The following RANBP2 variants were observed in gnomAD, a reference collection of about 807,000 sequenced individuals.
The protein encoded by RANBP2 is RAN binding protein 2.
RANBP2 carries 57 observed loss-of-function variants against 303.6 expected under a neutral mutation model. The observed-to-expected ratio is 0.19, with a 90% CI of 0.15 to 0.23. RANBP2 has a LOEUF of 0.23. RANBP2 is among the 10% of genes least tolerant of loss of function. RANBP2 has a pLI of 1.00. For synonymous variants in RANBP2, 1,167 were observed against 1,301.5 expected (o/e 0.90, Z 2.23); for missense variants, 3,138 against 3,780.8 (o/e 0.83, Z 4.46).
At chr2:108,958,772 A>C in the RANBP2 span, among the ~76,000 whole-genome samples, 1 of 152,218 alleles carries the variant, frequency 6.6e-6, no homozygotes, top group Non-Finnish European at 1.5e-5. Context: ...ATTTTGTTGA[A>C]TGTTGTGACT....
At chr2:109,318,257 G>A in the RANBP2 span, among the ~76,000 whole-genome samples, 4 of 152,026 alleles carry the variant, frequency 2.6e-5, no homozygotes, top group Non-Finnish European at 4.4e-5. Flanking sequence ...AAATTTGAGC[G>A]CAGCCCCAGA....
At chr2:109,474,478 C>G in the RANBP2 span, among the ~76,000 whole-genome samples, 4 of 152,186 alleles carry the variant, frequency 2.6e-5, no homozygotes, top group African/African-American at 9.6e-5. Context: ...CAGAGCAGGC[C>G]ATGATCCCTG....
chr2:109,482,808 G>T, the RANBP2 span, among the ~76,000 whole-genome samples: 3 of 152,172 alleles, frequency 2.0e-5, no homozygotes, highest in African/African-American at 7.2e-5. Context: ...CGATGCGGCG[G>T]TCACGTCTTC....
At chr2:108,786,710 C>T (rs563220278), downstream of RANBP2, 2 of 1,004,806 alleles carry the variant, frequency 2.0e-6, no homozygotes, top group South Asian at 1.4e-5. Flanking sequence ...TCCCTGCCGC[C>T]GTGCGTGCCT....
chr2:109,504,239 C>T, the RANBP2 span: 2 of 152,226 alleles, frequency 1.3e-5, no homozygotes, highest in African/African-American at 4.8e-5. Flanking sequence ...CCATGATGTA[C>T]ACATCTTAGC....
At chr2:109,122,201 C>T in the RANBP2 span, among the ~76,000 whole-genome samples, 1 of 152,326 alleles carries the variant, frequency 6.6e-6, no homozygotes, top group Non-Finnish European at 1.5e-5. Context: ...TCAATATTTT[C>T]CACACGGCTG....
At chr2:108,864,925 C>A in the RANBP2 span, among the ~76,000 whole-genome samples, 1 of 151,672 alleles carries the variant, frequency 6.6e-6, no homozygotes, top group Admixed American at 6.6e-5. Context: ...CATGCCACTG[C>A]ACACCAGCCT....
the RANBP2 span, chr2:109,585,805 C>T: frequency 4.1e-3 from 6,539 of 1,613,478 alleles, 42 homozygotes; most frequent in South Asian, 8.3e-3. Context: ...CCAACATGGC[C>T]AGACATAGTC....
the RANBP2 span, among the ~76,000 whole-genome samples, chr2:108,923,864 C>T: frequency 1.3e-5 from 2 of 152,368 alleles, no homozygotes; most frequent in South Asian, 2.1e-4. Context: ...AGCACCCTCC[C>T]CAGAGCCTGC....
At chr2:109,135,514 G>A in the RANBP2 span, among the ~76,000 whole-genome samples, 4 of 152,320 alleles carry the variant, frequency 2.6e-5, no homozygotes, top group South Asian at 2.1e-4. Context: ...ATTGGCTGTC[G>A]TTTCAGTGCC....
chr2:108,794,015 T>C, the RANBP2 span, among the ~76,000 whole-genome samples: 3 of 152,170 alleles, frequency 2.0e-5, no homozygotes, highest in Non-Finnish European at 4.4e-5. Flanking sequence ...ATACAGTGTT[T>C]GCAAAATAGG....
intron 9 of RANBP2, among the ~76,000 whole-genome samples, chr2:108,750,706 G>T (rs1675815380): frequency 6.6e-6 from 1 of 151,976 alleles, no homozygotes; most frequent in Admixed American, 6.6e-5. Flanking sequence ...TCTTGCCTCA[G>T]CCTCCCAAGT....
the RANBP2 span, among the ~76,000 whole-genome samples, chr2:109,452,971 TC>T: frequency 6.8e-6 from 1 of 148,076 alleles, no homozygotes; most frequent in African/African-American, 2.5e-5. Flanking sequence ...GGGAGGCTGG[TC>T]CCTGGGAGGC....
the RANBP2 span, among the ~76,000 whole-genome samples, chr2:109,652,219 TTTTG>T: frequency 6.8e-6 from 1 of 147,812 alleles, no homozygotes; most frequent in Non-Finnish European, 1.5e-5. Context: ...AAAAAAGGAT[TTTTG>T]TTTGTTTTTT....
At chr2:108,975,585 G>A in the RANBP2 span, among the ~76,000 whole-genome samples, 1 of 152,320 alleles carries the variant, frequency 6.6e-6, no homozygotes, top group African/African-American at 2.4e-5. Flanking sequence ...CCCCAGCACT[G>A]GAAGCAGGGC....
At chr2:109,591,257 C>T in the RANBP2 span, among the ~76,000 whole-genome samples, 1 of 152,126 alleles carries the variant, frequency 6.6e-6, no homozygotes, top group Non-Finnish European at 1.5e-5. Flanking sequence ...ATGCTTATTA[C>T]ATAAAAGTTG....
the RANBP2 span, among the ~76,000 whole-genome samples, chr2:108,987,756 T>G: frequency 1.3e-5 from 2 of 152,162 alleles, no homozygotes; most frequent in Non-Finnish European, 2.9e-5. Context: ...TTCCCAGCCG[T>G]GAAGGGTACA....
chr2:108,991,011 A>G, the RANBP2 span, among the ~76,000 whole-genome samples: 1 of 152,252 alleles, frequency 6.6e-6, no homozygotes, highest in African/African-American at 2.4e-5. Context: ...ATTGGAAATT[A>G]AGTGGTGATT....
At chr2:109,036,785 A>G in the RANBP2 span, among the ~76,000 whole-genome samples, 2 of 152,088 alleles carry the variant, frequency 1.3e-5, no homozygotes, top group East Asian at 3.9e-4. Context: ...AGATGGGCGG[A>G]TTGCTTGAGC....
Sources: gnomAD v4.1 joint callset for allele counts (sites outside exome capture counted in the v4.1 genomes callset) on GRCh38, gnomAD v4.1.1 for gene constraint, MANE v1.5 for transcripts, NCBI Gene and HGNC (gene_info 2026-07-23, HGNC 2026-07-21) for gene names.